CATSPERE: variants seen among roughly 807,000 people sequenced by gnomAD.
CATSPERE encodes the protein cation channel sperm-associated auxiliary subunit epsilon.
Under a neutral mutation model 114.1 loss-of-function variants are expected in CATSPERE, and 93 were observed. That is an observed-to-expected ratio of 0.81 (90% confidence interval 0.69 to 0.97). The LOEUF (loss-of-function observed/expected upper bound fraction) is 0.97. Ranked by LOEUF, CATSPERE falls within the 50% of genes least tolerant of loss-of-function variation. The probability of loss-of-function intolerance (pLI) is 0.00; values close to 1 mark genes in which losing one functional copy is unlikely to be tolerated. For missense variants in CATSPERE, 1,058 were observed against 1,131.6 expected (o/e 0.93, Z 0.93); for synonymous variants, 341 against 384.1 (o/e 0.89, Z 1.31).
intron 7 of CATSPERE, among the ~76,000 whole-genome samples, chr1:244,510,494 A>T (rs895322075): frequency 1.3e-5 from 2 of 152,182 alleles, no homozygotes; most frequent in Non-Finnish European, 2.9e-5. Flanking sequence ...TTCAATTTTT[A>T]AAAAAATGTT....
At chr1:244,470,020 C>T (rs762794010) in intron 2 of CATSPERE, among the ~76,000 whole-genome samples, 6 of 151,948 alleles carry the variant, frequency 3.9e-5, no homozygotes, top group Non-Finnish European at 8.8e-5. Context: ...GTGGACCCCA[C>T]CTCAGACCAC....
chr1:244,549,946 G>A (rs1042659056), intron 8 of CATSPERE, among the ~76,000 whole-genome samples: 2 of 152,112 alleles, frequency 1.3e-5, no homozygotes, highest in Non-Finnish European at 2.9e-5. Context: ...TGAAAAGGAC[G>A]AAAGGGCAAA....
upstream of CATSPERE, among the ~76,000 whole-genome samples, chr1:244,458,730 T>C (rs1313168168): frequency 2.6e-5 from 4 of 152,346 alleles, no homozygotes; most frequent in East Asian, 3.9e-4. Context: ...TGGAAACTAT[T>C]TGTGAATATT....
chr1:244,470,549 T>C (rs1481076219), intron 2 of CATSPERE, among the ~76,000 whole-genome samples: 3 of 149,780 alleles, frequency 2.0e-5, no homozygotes, highest in Non-Finnish European at 2.9e-5. Context: ...ATGGGAACTC[T>C]TATATTGCTG....
At position 244,638,886 on chromosome 1, in the gene CATSPERE, C is replaced by T. The variant is rs141641675; in HGVS notation, c.2703-1042C>T. On this transcript the variant is annotated intron_variant, in intron 21 of 21. Transcript: ENST00000366534. Reference sequence around the variant, plus strand: ...CCATTAATTTTGTGAAGACTCTCATCGTAGCTTACCTGGATTATTCAAATA... The same window carrying T: ...CCATTAATTTTGTGAAGACTCTCATTGTAGCTTACCTGGATTATTCAAATA... Among the ~76,000 whole-genome samples, 561 of 152,322 alleles carry T rather than the reference C, an allele frequency of 3.7e-3. 7 individuals carry two copies. Among genetic ancestry groups the T allele is most frequent in the African/African-American group, 0.013 (544 of 41,582 alleles).
In CATSPERE at chr1:244,463,899, C is replaced by T; in HGVS notation, c.66-9C>T. The T allele has an allele frequency of 6.3e-7, 1 of 1,591,026 alleles. No homozygotes were observed. On this transcript the variant is annotated splice_polypyrimidine_tract_variant and intron_variant, in intron 1 of 21. Transcript: ENST00000366534. The stretch of plus-strand genomic sequence containing the variant: ...TTTTAATATTTATACTTGGCCTCTT[C>T]CTCCACAGGTATTCCACTAACAGCC...
intron 5 of CATSPERE, 35 bp from the exon 6 acceptor site, chr1:244,490,412 G>A (rs748930640): frequency 1.4e-6 from 2 of 1,466,276 alleles, no homozygotes; most frequent in Non-Finnish European, 1.9e-6. Flanking sequence ...TTAACAGGCT[G>A]TTTACTAAAA....
intron 1 of CATSPERE, 155 bp downstream of exon 1, chr1:244,461,649 T>C: frequency 2.1e-6 from 1 of 475,786 alleles, no homozygotes; most frequent in Non-Finnish European, 3.4e-6. Flanking sequence ...AGCCCCAGTG[T>C]CCCACCGCTC....
intron 9 of CATSPERE, 147 bp downstream of exon 9, chr1:244,552,961 A>G (rs919315896): frequency 1.8e-5 from 6 of 324,762 alleles, no homozygotes; most frequent in Non-Finnish European, 2.6e-5. Context: ...CTCTAACTCA[A>G]CTTCTCAGAG....
At chr1:244,480,774 C>G (rs992694018) in intron 5 of CATSPERE, among the ~76,000 whole-genome samples, 4 of 152,274 alleles carry the variant, frequency 2.6e-5, no homozygotes, top group Admixed American at 1.3e-4. Context: ...CAAGCCCCAC[C>G]AGGAGTACAC....
At chr1:244,460,466 G>A (rs1286115159), upstream of CATSPERE, among the ~76,000 whole-genome samples, 1 of 152,160 alleles carries the variant, frequency 6.6e-6, no homozygotes, top group African/African-American at 2.4e-5. Context: ...TTTCACCCCT[G>A]ACCAATCAGC....
chr1:244,490,487 A>T lies in CATSPERE; in HGVS notation c.351+16A>T, dbSNP rs1671871448. On this transcript the variant is annotated intron_variant, in intron 6 of 21. Coordinates refer to ENST00000366534, the MANE Select transcript of CATSPERE (RefSeq NM_001130957.2). ...CTTTACCCAGGTAAAATATTTTTTAAATTTTGTATAGCCTTCATATATCAC... is the reference window on the plus strand; with the variant it reads ...CTTTACCCAGGTAAAATATTTTTTATATTTTGTATAGCCTTCATATATCAC... 3 of 1,411,070 alleles carry T rather than the reference A, an allele frequency of 2.1e-6. No individual in the cohort carries two copies. In the East Asian group the frequency reaches 6.9e-5, roughly 32 times the overall value. 87.4% of individuals were successfully genotyped at this position (1,411,070 alleles called of 1,614,324 possible).
intron 10 of CATSPERE, 124 bp downstream of exon 10, chr1:244,561,269 A>G (rs1183031896): frequency 2.9e-6 from 2 of 680,436 alleles, no homozygotes; most frequent in Non-Finnish European, 5.1e-6. Flanking sequence ...TGCACTTCTT[A>G]TCACCTACAA....
At chr1:244,511,701 A>T (rs1432237112) in intron 7 of CATSPERE, among the ~76,000 whole-genome samples, 1 of 152,162 alleles carries the variant, frequency 6.6e-6, no homozygotes, top group Admixed American at 6.5e-5. Flanking sequence ...TCACTTCCAG[A>T]TATAGGACTT....
intron 6 of CATSPERE, among the ~76,000 whole-genome samples, chr1:244,493,727 C>A (rs1455510361): frequency 6.6e-6 from 1 of 152,326 alleles, no homozygotes. Flanking sequence ...TATCCAGAAT[C>A]TACAATGAAC....
intron 7 of CATSPERE, among the ~76,000 whole-genome samples, chr1:244,517,671 G>A (rs1402637911): frequency 2.6e-5 from 4 of 151,722 alleles, no homozygotes; most frequent in Non-Finnish European, 5.9e-5. Flanking sequence ...TACTTGGGAG[G>A]CTGAAGTAGG....
chr1:244,468,834 C>T (rs555256043), intron 2 of CATSPERE, among the ~76,000 whole-genome samples: 2 of 152,244 alleles, frequency 1.3e-5, no homozygotes, highest in African/African-American at 4.8e-5. Flanking sequence ...GGGAGAATTG[C>T]TTGAGCCTGG....
At chr1:244,625,786 G>A (rs1332770501) in intron 20 of CATSPERE, among the ~76,000 whole-genome samples, 1 of 150,464 alleles carries the variant, frequency 6.6e-6, no homozygotes, top group Non-Finnish European at 1.5e-5. Flanking sequence ...AGAGGGTCTG[G>A]TTCTGTTGCC....
rs1358167108 is a variant in CATSPERE at position 244,621,155 on chromosome 1, AAT to A, written c.2648+3478_2648+3479del. On this transcript the variant is annotated intron_variant, in intron 20 of 21. Coordinates refer to ENST00000366534, the MANE Select transcript of CATSPERE (RefSeq NM_001130957.2). ...TATATATAAAATATATATATTATAA[AAT>A]ATATATATTATATATAGATATATTT... 5.8e-4 allele frequency among the ~76,000 whole-genome samples: 11 copies of A among 19,040 alleles called. 3 individuals are homozygous for A. The highest frequency in any genetic ancestry group is 8.0e-4 in the Non-Finnish European group (8 of 9,966). The allele number at this position is 19,040 out of a possible 152,430, so 12.5% of individuals were successfully genotyped here.
Sources: gnomAD v4.1 joint callset for allele counts (sites outside exome capture counted in the v4.1 genomes callset) on GRCh38, gnomAD v4.1.1 for gene constraint, MANE v1.5 for transcripts, NCBI Gene and HGNC (gene_info 2026-07-23, HGNC 2026-07-21) for gene names.